The following FRMD3 variants were observed in gnomAD, a reference collection of about 807,000 sequenced individuals.
The protein encoded by FRMD3 is FERM domain containing 3, also known as FERM domain-containing protein 3.
A neutral mutation model predicts 70.2 loss-of-function variants in FRMD3; 33 were observed. The ratio of observed to expected loss-of-function variants is 0.47; its 90% CI spans 0.36 to 0.63. The LOEUF (loss-of-function observed/expected upper bound fraction) is 0.63. Ranked by LOEUF, FRMD3 falls within the 20% of genes least tolerant of loss-of-function variation. The pLI, the probability that FRMD3 is intolerant of heterozygous loss-of-function variation, is 0.00. For synonymous variants in FRMD3, 279 were observed against 255.9 expected (o/e 1.09, Z -0.86); for missense variants, 632 against 711.4 (o/e 0.89, Z 1.27).
At chr9:83,285,228 C>T (rs904184678) in intron 13 of FRMD3, among the ~76,000 whole-genome samples, 7 of 152,310 alleles carry the variant, frequency 4.6e-5, no homozygotes, top group African/African-American at 1.7e-4. Context: ...CATGCATTCA[C>T]ATATACACTC....
At chr9:83,540,996 TA>T (rs1829993301), upstream of FRMD3, among the ~76,000 whole-genome samples, 4 of 152,220 alleles carry the variant, frequency 2.6e-5, no homozygotes, top group African/African-American at 9.7e-5. Flanking sequence ...GAATGATTCC[TA>T]GTCACTCAAG....
intron 10 of FRMD3, among the ~76,000 whole-genome samples, chr9:83,302,108 G>T (rs575594876): frequency 2.6e-5 from 4 of 152,218 alleles, no homozygotes; most frequent in Admixed American, 1.3e-4. Flanking sequence ...AGGCTGTAGA[G>T]GGGAGGGGAA....
intron 5 of FRMD3, among the ~76,000 whole-genome samples, chr9:83,339,966 G>C (rs1302049916): frequency 1.3e-5 from 2 of 152,100 alleles, no homozygotes; most frequent in African/African-American, 4.8e-5. Context: ...AAATTTAAAC[G>C]TTAAATGGTT....
chr9:83,487,363 CTA>C (rs1336166827), intron 1 of FRMD3, among the ~76,000 whole-genome samples: 5 of 152,202 alleles, frequency 3.3e-5, no homozygotes, highest in Non-Finnish European at 7.3e-5. Context: ...AAAAAACAGC[CTA>C]TCTCACAGAA....
At chr9:83,521,297 T>C (rs1423362890) in intron 1 of FRMD3, among the ~76,000 whole-genome samples, 3 of 152,050 alleles carry the variant, frequency 2.0e-5, no homozygotes, top group Non-Finnish European at 2.9e-5. Flanking sequence ...CTGGGCAACA[T>C]AGCAAAACCC....
chr9:83,416,682 C>CT (rs1826451247), intron 1 of FRMD3, among the ~76,000 whole-genome samples: 1 of 151,094 alleles, frequency 6.6e-6, no homozygotes, highest in African/African-American at 2.4e-5. Flanking sequence ...ATTCAGCCAG[C>CT]TTTATAGTAA....
intron 1 of FRMD3, among the ~76,000 whole-genome samples, chr9:83,482,418 A>T (rs901294456): frequency 1.3e-5 from 2 of 152,194 alleles, no homozygotes; most frequent in Non-Finnish European, 1.5e-5. Flanking sequence ...CTGTTAGGAT[A>T]TTCCAAGAAA....
At chr9:83,404,461 T>C (rs1455605640) in intron 1 of FRMD3, among the ~76,000 whole-genome samples, 2 of 152,202 alleles carry the variant, frequency 1.3e-5, no homozygotes, top group Non-Finnish European at 2.9e-5. Flanking sequence ...CTAAAGAACA[T>C]TTTCACCCAT....
chr9:83,431,809 T>C (rs1587846697), intron 1 of FRMD3, among the ~76,000 whole-genome samples: 1 of 152,210 alleles, frequency 6.6e-6, no homozygotes, highest in South Asian at 2.1e-4. Context: ...CCTCCTGACC[T>C]GGCCTGAGTT....
At chr9:83,451,389 T>TCACACACA (rs10611241) in intron 1 of FRMD3, among the ~76,000 whole-genome samples, 36,147 of 147,324 alleles carry the variant, frequency 0.25, 4,906 homozygotes, top group Non-Finnish European at 0.31. Flanking sequence ...AATACATACA[T>TCACACACA]CACACACACA....
rs1356802679 is a variant in FRMD3 at position 83,290,695 on chromosome 9, G to T, written c.1103C>A (p.Ser368Tyr). Residue 368 changes from serine (S) to tyrosine (Y), a missense_variant, in exon 13 of 14, where the codon TCC becomes TAC. Coordinates refer to ENST00000304195, the MANE Select transcript of FRMD3 (RefSeq NM_174938.6). Reference protein sequence around the residue: ...ANITQSRSSHSLNKQLIINME... With the variant: ...ANITQSRSSHYLNKQLIINME... ...GTTAATGATGAGCTGTTTGTTCAAG[G>T]AGTGGGAACTGCGGCTCTGAGTAAT... The T allele has an allele frequency of 1.2e-6, 2 of 1,613,552 alleles. No homozygotes were observed. The highest frequency in any genetic ancestry group is 1.7e-6 in the Non-Finnish European group (2 of 1,179,798).
At chr9:83,275,626 G>A (rs1443612641) in intron 13 of FRMD3, among the ~76,000 whole-genome samples, 1 of 152,164 alleles carries the variant, frequency 6.6e-6, no homozygotes, top group African/African-American at 2.4e-5. Context: ...ACATCATTAT[G>A]CAACAAGCCA....
intron 2 of FRMD3, among the ~76,000 whole-genome samples, chr9:83,381,731 A>G (rs986389967): frequency 6.6e-6 from 1 of 151,982 alleles, no homozygotes; most frequent in Admixed American, 6.6e-5. Context: ...AAAAAAAAGC[A>G]TTTGTGTCCC....
intron 1 of FRMD3, among the ~76,000 whole-genome samples, chr9:83,443,141 G>A (rs193211681): frequency 1.2e-4 from 19 of 152,264 alleles, no homozygotes; most frequent in Admixed American, 3.9e-4. Context: ...TCTGGTGAGA[G>A]TATGTTTCTT....
intron 13 of FRMD3, among the ~76,000 whole-genome samples, chr9:83,284,061 A>T (rs202161165): frequency 0.021 from 2,143 of 101,630 alleles, 105 homozygotes; most frequent in African/African-American, 0.072. Flanking sequence ...CTAGGATGTT[A>T]TTTTTTTTTT....
At chr9:83,301,332 T>C (rs1195955923) in intron 10 of FRMD3, among the ~76,000 whole-genome samples, 1 of 152,160 alleles carries the variant, frequency 6.6e-6, no homozygotes, top group Admixed American at 6.5e-5. Context: ...AGCTGTGGCC[T>C]GACACTTTAT....
the FRMD3 span, among the ~76,000 whole-genome samples, chr9:83,576,913 A>G: frequency 6.6e-6 from 1 of 152,152 alleles, no homozygotes; most frequent in Non-Finnish European, 1.5e-5. Flanking sequence ...CCAGCTTAAT[A>G]TACAAAATAT....
chr9:83,549,539 T>C, the FRMD3 span, among the ~76,000 whole-genome samples: 3 of 152,298 alleles, frequency 2.0e-5, no homozygotes, highest in African/African-American at 7.2e-5. Context: ...CTTCTCACAA[T>C]GGTTAAACTA....
chr9:83,513,078 T>G (rs750025643), intron 1 of FRMD3, among the ~76,000 whole-genome samples: 1 of 152,026 alleles, frequency 6.6e-6, no homozygotes, highest in African/African-American at 2.4e-5. Flanking sequence ...TAGAGAAACA[T>G]AGAGAAACAT....
Sources: allele counts gnomAD v4.1 joint callset (sites outside exome capture counted in the v4.1 genomes callset), GRCh38; gene constraint gnomAD v4.1.1; transcripts MANE v1.5; gene names NCBI Gene and HGNC (gene_info 2026-07-23, HGNC 2026-07-21).